Variants in CRISP1 observed in about 807,000 individuals in gnomAD.
CRISP1 encodes cysteine-rich secretory protein 1.
In CRISP1, 44 loss-of-function variants were observed where a neutral mutation model predicts 33.1. The ratio of observed to expected loss-of-function variants is 1.33; its 90% confidence interval spans 1.05 to 1.71. The LOEUF is 1.71. Among genes scored for constraint, CRISP1 ranks in the 40% most tolerant of loss-of-function variants. CRISP1 has a pLI of 0.00. For missense variants in CRISP1, 390 were observed against 301.2 expected, an observed-to-expected ratio of 1.29 and a Z score of -2.18; for synonymous variants, 103 against 98.7, an observed-to-expected ratio of 1.04 and a Z score of -0.26.
intron 5 of CRISP1, among the ~76,000 whole-genome samples, chr6:49,844,762 G>C (rs1771105770): frequency 6.6e-6 from 1 of 152,130 alleles, no homozygotes. Flanking sequence ...ACCCATTGCT[G>C]CTTCCTTTTC....
At chr6:49,871,036 G>A (rs181521729), upstream of CRISP1, among the ~76,000 whole-genome samples, 1 of 152,106 alleles carries the variant, frequency 6.6e-6, no homozygotes, top group East Asian at 1.9e-4. Context: ...AGGAGGCAGA[G>A]GTTGCAGTGA....
chr6:49,857,279 T>G, intron 2 of CRISP1, 56 bp downstream of exon 2: 1 of 1,525,528 alleles, frequency 6.6e-7, no homozygotes, highest in Non-Finnish European at 9.1e-7. Flanking sequence ...TGTATTAAAG[T>G]GTTAGCTCTT....
At chr6:49,857,201 G>T in intron 2 of CRISP1, 134 bp downstream of exon 2, 1 of 732,586 alleles carries the variant, frequency 1.4e-6, no homozygotes, top group Non-Finnish European at 2.3e-6. Context: ...TGCCTAACAG[G>T]GCTATTGTGA....
chr6:49,840,838 T>C (rs1485597810), intron 6 of CRISP1, 60 bp downstream of exon 6: 3 of 1,355,438 alleles, frequency 2.2e-6, no homozygotes, highest in Non-Finnish European at 3.1e-6. Context: ...AAACAATGTT[T>C]GAAAAACTAG....
At chr6:49,874,557 C>T (rs919986132) in intron 1 of CRISP1, among the ~76,000 whole-genome samples, 13 of 151,986 alleles carry the variant, frequency 8.6e-5, no homozygotes, top group Admixed American at 2.6e-4. Context: ...TTTTATGAGG[C>T]CAGCATCATC....
At position 49,838,458 on chromosome 6, in the gene CRISP1, T is replaced by C. The variant is rs748015845; in HGVS notation, c.601A>G (p.Asn201Asp). 12 of 1,613,372 alleles carry C rather than the reference T, an allele frequency of 7.4e-6. 1 individual carries two copies. The Middle Eastern group carries it at 1.3e-3, about 177-fold the overall frequency. The change falls in exon 7 of 8, where the codon AAC becomes GAC. Residue 201 changes from asparagine (N) to aspartate (D), a missense_variant. Coordinates refer to ENST00000335847, the MANE Select transcript of CRISP1 (RefSeq NM_001131.3). ...TTACTGCAAAGTTTGTCTTCACAGT[T>C]ACTTGGGCAGGCTTCACATGGGACG... ...TGVPCEACPS[N>D]CEDKLCTNPC... is the part of the protein sequence containing the mutation.
chr6:49,875,746 A>T (rs547891907), intron 1 of CRISP1, among the ~76,000 whole-genome samples: 2 of 152,294 alleles, frequency 1.3e-5, no homozygotes, highest in East Asian at 1.9e-4. Context: ...ATAAGACCAC[A>T]TACCTACAAC....
At position 49,864,207 on chromosome 6, in the gene CRISP1, T is replaced by C. The variant is rs555307135; in HGVS notation, c.-3+2222A>G. On this transcript the variant is annotated intron_variant, in intron 1 of 7. Transcript: ENST00000335847. The stretch of plus-strand genomic sequence containing the variant: ...ACTTATGAGATTCAACCACGTTGCA[T>C]GTGAAGAAGTTTGATTTGTTAATAA... Among the ~76,000 whole-genome samples the C allele has an allele frequency of 3.9e-5, 6 of 152,310 alleles. No individual in the cohort carries two copies. The South Asian group carries it at 1.2e-3, about 32-fold the overall frequency.
At chr6:49,843,670 T>C (rs1771065831) in intron 5 of CRISP1, among the ~76,000 whole-genome samples, 1 of 152,210 alleles carries the variant, frequency 6.6e-6, no homozygotes. Context: ...TATCAAGAAC[T>C]GAGATGCTGC....
chr6:49,865,811 G>A (rs565822310), intron 1 of CRISP1, among the ~76,000 whole-genome samples: 17 of 152,270 alleles, frequency 1.1e-4, no homozygotes, highest in African/African-American at 3.6e-4. Flanking sequence ...TGAAACAAGG[G>A]TGGAGACTGG....
intron 1 of CRISP1, among the ~76,000 whole-genome samples, chr6:49,862,121 T>G (rs1771670291): frequency 6.6e-6 from 1 of 152,144 alleles, no homozygotes; most frequent in Non-Finnish European, 1.5e-5. Context: ...ATTGTCACTC[T>G]TTGCAGATGA....
chr6:49,850,132 G>C (rs1771306230), intron 3 of CRISP1, among the ~76,000 whole-genome samples: 1 of 150,784 alleles, frequency 6.6e-6, no homozygotes, highest in Admixed American at 6.6e-5. Flanking sequence ...AGCATTAGAA[G>C]ATATACCTAA....
At chr6:49,839,009 A>T (rs1157918106) in intron 6 of CRISP1, among the ~76,000 whole-genome samples, 1 of 152,202 alleles carries the variant, frequency 6.6e-6, no homozygotes, top group Non-Finnish European at 1.5e-5. Context: ...AACTTTTTAC[A>T]TGTTAATGTC....
chr6:49,870,928 C>G (rs1002169155), upstream of CRISP1, among the ~76,000 whole-genome samples: 1 of 151,900 alleles, frequency 6.6e-6, no homozygotes, highest in Non-Finnish European at 1.5e-5. Context: ...TGGTGAAACC[C>G]CATGCCTACT....
chr6:49,843,522 A>T (rs1206036509), intron 5 of CRISP1, among the ~76,000 whole-genome samples: 1 of 152,234 alleles, frequency 6.6e-6, no homozygotes, highest in Non-Finnish European at 1.5e-5. Flanking sequence ...GAATCCTCTC[A>T]AGAAACTAAC....
At position 49,835,329 on chromosome 6, in the gene CRISP1, G is replaced by T; in HGVS notation, c.737C>A (p.Thr246Asn). ...LFCKATCLCD[T>N]EIK is the part of the protein sequence containing the mutation. ...AATAACAAAGACCTATTTTATCTCA[G>T]TGTCACACAGACAAGTGGCTTTACA... The change falls in exon 8 of 8, where the codon ACT becomes AAT. Residue 246 changes from threonine to asparagine, a missense_variant. By Grantham distance (65) the Thr-to-Asn change is moderately conservative. Coordinates refer to ENST00000335847, the MANE Select transcript of CRISP1 (RefSeq NM_001131.3). 1 of 1,613,722 alleles carries T rather than the reference G, an allele frequency of 6.2e-7. No homozygotes were observed.
In CRISP1 at chr6:49,836,314, A is replaced by G. The variant is rs894467206; in HGVS notation, c.623-871T>C. On this transcript the variant is annotated intron_variant, in intron 7 of 7. Coordinates refer to ENST00000335847, the MANE Select transcript of CRISP1 (RefSeq NM_001131.3). Reference sequence around the variant, plus strand: ...ATTGCATGAAATTTATAACAATCTTATAAATTTTATTTTTATTTTTATTTT... The same window carrying G: ...ATTGCATGAAATTTATAACAATCTTGTAAATTTTATTTTTATTTTTATTTT... Among the ~76,000 whole-genome samples, 4 of 151,490 alleles carry G rather than the reference A, an allele frequency of 2.6e-5. No homozygotes were observed. In the East Asian group the frequency reaches 7.7e-4, roughly 29 times the overall value.
chr6:49,835,779 T>C (rs535872144), intron 7 of CRISP1, among the ~76,000 whole-genome samples: 1 of 150,042 alleles, frequency 6.7e-6, no homozygotes, highest in East Asian at 1.9e-4. Flanking sequence ...CATAATTTTT[T>C]GTCTAATTAT....
intron 5 of CRISP1, among the ~76,000 whole-genome samples, chr6:49,844,755 C>T (rs1246574401): frequency 6.6e-6 from 1 of 152,182 alleles, no homozygotes; most frequent in Non-Finnish European, 1.5e-5. Flanking sequence ...GCCTGGGACC[C>T]ATTGCTGCTT....
Sources: gnomAD v4.1 joint callset for allele counts (sites outside exome capture counted in the v4.1 genomes callset) on GRCh38, gnomAD v4.1.1 for gene constraint, MANE v1.5 for transcripts, NCBI Gene and HGNC (gene_info 2026-07-23, HGNC 2026-07-21) for gene names.